ZNF804B: variants seen among roughly 807,000 people sequenced by gnomAD.
The protein encoded by ZNF804B is zinc finger 804B.
In ZNF804B, 80 loss-of-function variants were observed where a neutral mutation model predicts 101.4. That is an observed-to-expected ratio of 0.79 (90% CI 0.66 to 0.95). The LOEUF (loss-of-function observed/expected upper bound fraction) is 0.95, where lower values mean the gene tolerates loss of function less well. ZNF804B is among the 40% of genes least tolerant of loss of function. The pLI, the probability that ZNF804B is intolerant of heterozygous loss-of-function variation, is 0.00. For missense variants in ZNF804B, 1,673 were observed against 1,561.9 expected, an observed-to-expected ratio of 1.07 and a Z score of -1.20; for synonymous variants, 622 against 558.8, an observed-to-expected ratio of 1.11 and a Z score of -1.59.
chr7:89,098,453 AG>A (rs1397446807), intron 1 of ZNF804B, among the ~76,000 whole-genome samples: 1 of 151,796 alleles, frequency 6.6e-6, no homozygotes, highest in African/African-American at 2.4e-5. Flanking sequence ...TTGTATTTTT[AG>A]TAGAGATGGG....
chr7:89,134,534 C>T (rs1318161935), intron 1 of ZNF804B, among the ~76,000 whole-genome samples: 1 of 152,056 alleles, frequency 6.6e-6, no homozygotes, highest in African/African-American at 2.4e-5. Flanking sequence ...AGGCATGTGA[C>T]TCCCTAAAGC....
Position 89,208,945 on chromosome 7 carries a change from G to A in ZNF804B, c.109-9210G>A, listed in dbSNP as rs541170763. ...GAGAATCACTTGAACCTGGGAGGCG[G>A]AGCTTGCAGTGAGCTGAGATCGCGC... is the stretch of plus-strand genomic sequence containing the variant. On this transcript the variant is annotated intron_variant, in intron 1 of 3. Transcript: ENST00000333190. Among the ~76,000 whole-genome samples, 18 of 152,142 alleles carry A rather than the reference G, an allele frequency of 1.2e-4. No individual in the cohort carries two copies. The South Asian group carries it at 3.7e-3, about 32-fold the overall frequency.
At chr7:89,245,480 G>C (rs2115773282) in intron 2 of ZNF804B, among the ~76,000 whole-genome samples, 1 of 152,020 alleles carries the variant, frequency 6.6e-6, no homozygotes, top group African/African-American at 2.4e-5. Flanking sequence ...AGTTTCAAGT[G>C]GCCAGTATTT....
intron 1 of ZNF804B, among the ~76,000 whole-genome samples, chr7:89,018,703 T>C (rs964660187): frequency 1.3e-5 from 2 of 152,124 alleles, no homozygotes; most frequent in African/African-American, 4.8e-5. Flanking sequence ...TCATATTTTC[T>C]ATTTCTCCTT....
chr7:89,187,108 T>G (rs1788385685), intron 1 of ZNF804B, among the ~76,000 whole-genome samples: 2 of 152,214 alleles, frequency 1.3e-5, no homozygotes, highest in African/African-American at 4.8e-5. Context: ...TTGATTTTTT[T>G]AGAGATTGGC....
At chr7:89,131,730 C>T (rs1243722072) in intron 1 of ZNF804B, among the ~76,000 whole-genome samples, 8 of 151,834 alleles carry the variant, frequency 5.3e-5, no homozygotes, top group African/African-American at 1.5e-4. Flanking sequence ...TAAAAATAGA[C>T]ATAACTGAAT....
chr7:89,123,446 C>T (rs1364633774), intron 1 of ZNF804B, among the ~76,000 whole-genome samples: 2 of 151,964 alleles, frequency 1.3e-5, no homozygotes, highest in African/African-American at 4.8e-5. Context: ...TAAATCGATA[C>T]CTTGAAATTG....
At chr7:89,000,424 A>G (rs1479166909) in intron 1 of ZNF804B, among the ~76,000 whole-genome samples, 1 of 151,948 alleles carries the variant, frequency 6.6e-6, no homozygotes, top group East Asian at 1.9e-4. Flanking sequence ...TCAGGTGTTT[A>G]CTTATTCATT....
chr7:89,062,276 G>T (rs796780612), intron 1 of ZNF804B, among the ~76,000 whole-genome samples: 16 of 152,212 alleles, frequency 1.1e-4, no homozygotes, highest in African/African-American at 3.1e-4. Context: ...GGCACTCATA[G>T]TCACCCCTGT....
chr7:89,027,752 G>T (rs1410491729), intron 1 of ZNF804B, among the ~76,000 whole-genome samples: 1 of 152,084 alleles, frequency 6.6e-6, no homozygotes, highest in African/African-American at 2.4e-5. Flanking sequence ...GAACGGCAAG[G>T]CCCTAAAATC....
chr7:89,199,667 C>A (rs1788602337), intron 1 of ZNF804B, among the ~76,000 whole-genome samples: 1 of 151,808 alleles, frequency 6.6e-6, no homozygotes, highest in South Asian at 2.1e-4. Context: ...AACGATACTC[C>A]TAACCACAAG....
intron 2 of ZNF804B, among the ~76,000 whole-genome samples, chr7:89,261,492 T>C (rs1307139157): frequency 6.6e-6 from 1 of 152,154 alleles, no homozygotes; most frequent in Non-Finnish European, 1.5e-5. Context: ...GCAGTCCAAA[T>C]CTGTGTTGTT....
chr7:88,808,468 T>G (rs1790726548), intron 1 of ZNF804B, among the ~76,000 whole-genome samples: 1 of 151,960 alleles, frequency 6.6e-6, no homozygotes, highest in Non-Finnish European at 1.5e-5. Flanking sequence ...TCAGTAAGTA[T>G]TATATTATCA....
At chr7:88,941,468 G>A (rs1430647290) in intron 1 of ZNF804B, among the ~76,000 whole-genome samples, 1 of 151,902 alleles carries the variant, frequency 6.6e-6, no homozygotes, top group Non-Finnish European at 1.5e-5. Context: ...AAGACGTGGT[G>A]GAAATTTAAC....
Position 89,218,248 on chromosome 7 carries a change from C to A in ZNF804B, c.202C>A (p.Gln68Lys). The A allele has an allele frequency of 7.4e-6, 12 of 1,613,720 alleles. No individual in the cohort carries two copies. Among genetic ancestry groups the A allele is most frequent in the Non-Finnish European group, 1.0e-5 (12 of 1,179,820 alleles). ...ATGTGACAAGCAGTATCACAAACAC[C>A]AGGAGTTTGACAATCATATTAATTC... ...ELCDKQYHKHQEFDNHINSYD... is the reference protein window; with the variant it reads ...ELCDKQYHKHKEFDNHINSYD... Residue 68 changes from glutamine (Q) to lysine (K), a missense_variant, in exon 2 of 4, where the codon CAG (glutamine) becomes AAG (lysine). Gln to Lys is a moderately conservative substitution (Grantham distance 53). Coordinates refer to ENST00000333190, the MANE Select transcript of ZNF804B (RefSeq NM_181646.5).
At chr7:89,051,745 T>G (rs1174395122) in intron 1 of ZNF804B, among the ~76,000 whole-genome samples, 1 of 152,166 alleles carries the variant, frequency 6.6e-6, no homozygotes, top group Non-Finnish European at 1.5e-5. Flanking sequence ...TCAAATATAT[T>G]AACAATTTGC....
At chr7:89,066,611 T>C (rs916164292) in intron 1 of ZNF804B, among the ~76,000 whole-genome samples, 6 of 152,146 alleles carry the variant, frequency 3.9e-5, no homozygotes, top group African/African-American at 7.2e-5. Context: ...AAAAAAATTG[T>C]CTTTATATAA....
intron 2 of ZNF804B, among the ~76,000 whole-genome samples, chr7:89,271,835 A>G (rs950952405): frequency 2.0e-5 from 3 of 152,118 alleles, no homozygotes; most frequent in Admixed American, 2.0e-4. Flanking sequence ...CATTTCTTCT[A>G]GATTTTCTAG....
intron 1 of ZNF804B, among the ~76,000 whole-genome samples, chr7:89,213,853 A>G (rs1449751746): frequency 6.6e-6 from 1 of 152,198 alleles, no homozygotes; most frequent in Non-Finnish European, 1.5e-5. Flanking sequence ...GGTTATTGTG[A>G]AGATTAAGTG....
Sources: allele counts gnomAD v4.1 joint callset (sites outside exome capture counted in the v4.1 genomes callset), GRCh38; gene constraint gnomAD v4.1.1; transcripts MANE v1.5; gene names NCBI Gene and HGNC (gene_info 2026-07-23, HGNC 2026-07-21).